Variants in ADGRV1 observed in about 807,000 individuals in gnomAD.
ADGRV1 encodes the protein adhesion G protein-coupled receptor V1.
In ADGRV1, 359 loss-of-function variants were observed where a neutral mutation model predicts 596.2. The ratio of observed to expected loss-of-function variants is 0.60; its 90% CI spans 0.55 to 0.66. The LOEUF is 0.66. Ranked by LOEUF, ADGRV1 falls within the 30% of genes least tolerant of loss-of-function variation. The pLI is 0.00. For synonymous variants in ADGRV1, 2,681 were observed against 2,679.2 expected, an observed-to-expected ratio of 1.00 and a Z score of -0.02; for missense variants, 7,274 against 7,575.6, an observed-to-expected ratio of 0.96 and a Z score of 1.48.
intron 1 of ADGRV1, among the ~76,000 whole-genome samples, chr5:90,581,038 T>A (rs1427747779): frequency 6.6e-6 from 1 of 152,252 alleles, no homozygotes; most frequent in East Asian, 1.9e-4. Flanking sequence ...TTCCCCTTGA[T>A]CGAATTGGCT....
chr5:90,708,942 T>A, intron 39 of ADGRV1, 33 bp downstream of exon 39: 1 of 1,401,514 alleles, frequency 7.1e-7, no homozygotes, highest in Non-Finnish European at 1.0e-6. Flanking sequence ...TTCTTTTTGC[T>A]CACTTCAAAT....
intron 59 of ADGRV1, among the ~76,000 whole-genome samples, chr5:90,768,451 G>A (rs985698446): frequency 1.3e-5 from 2 of 152,142 alleles, no homozygotes; most frequent in African/African-American, 2.4e-5. Flanking sequence ...GGTGGAAATC[G>A]TTCTCATAGC....
intron 9 of ADGRV1, among the ~76,000 whole-genome samples, chr5:90,631,899 A>G (rs765257129): frequency 6.6e-6 from 1 of 152,212 alleles, no homozygotes; most frequent in Non-Finnish European, 1.5e-5. Context: ...ATACAAAAAC[A>G]TGACATAATT....
intron 4 of ADGRV1, among the ~76,000 whole-genome samples, 163 bp downstream of exon 4, chr5:90,619,344 G>T (rs907293345): frequency 2.6e-4 from 40 of 152,062 alleles, no homozygotes; most frequent in African/African-American, 9.7e-4. Flanking sequence ...CCATTCATTT[G>T]TTCTACCTAA....
At chr5:90,960,684 C>A (rs1266698546) in intron 83 of ADGRV1, among the ~76,000 whole-genome samples, 1 of 151,162 alleles carries the variant, frequency 6.6e-6, no homozygotes, top group Non-Finnish European at 1.5e-5. Flanking sequence ...GGTAGAATTT[C>A]CAGTTATTCA....
chr5:91,152,656 G>C (rs1299024406), intron 88 of ADGRV1, among the ~76,000 whole-genome samples: 2 of 151,968 alleles, frequency 1.3e-5, no homozygotes, highest in African/African-American at 4.8e-5. Context: ...ATTTTGTTTT[G>C]TTTTGTTTTT....
chr5:90,739,671 G>A (rs1002983003), intron 50 of ADGRV1, among the ~76,000 whole-genome samples: 3 of 152,206 alleles, frequency 2.0e-5, no homozygotes, highest in African/African-American at 7.2e-5. Context: ...GATCAGTGTT[G>A]TAGATTGTCT....
At chr5:90,790,714 C>A (rs987394242) in intron 69 of ADGRV1, among the ~76,000 whole-genome samples, 159 bp from the exon 70 acceptor site, 6 of 151,996 alleles carry the variant, frequency 3.9e-5, no homozygotes, top group African/African-American at 1.4e-4. Flanking sequence ...AGTCAATATA[C>A]CTTCCAAGCT....
intron 75 of ADGRV1, chr5:90,822,264 C>T (rs1163411831): frequency 6.5e-6 from 1 of 153,928 alleles, no homozygotes; most frequent in Admixed American, 6.5e-5. Flanking sequence ...ATGCCTCGCC[C>T]TGGTTCGGCT....
intron 85 of ADGRV1, among the ~76,000 whole-genome samples, chr5:91,067,382 A>T (rs1258556582): frequency 1.3e-5 from 2 of 152,064 alleles, no homozygotes; most frequent in Admixed American, 1.3e-4. Flanking sequence ...ACCTCAGGTG[A>T]TCTGCCCACC....
chr5:91,089,884 G>A (rs1368939825), intron 86 of ADGRV1, among the ~76,000 whole-genome samples: 1 of 152,164 alleles, frequency 6.6e-6, no homozygotes, highest in Non-Finnish European at 1.5e-5. Context: ...AAGTGTGTTG[G>A]AAAATTGCTG....
At chr5:90,559,732 CT>C (rs1290957142) in intron 1 of ADGRV1, among the ~76,000 whole-genome samples, 1 of 152,100 alleles carries the variant, frequency 6.6e-6, no homozygotes. Context: ...TGCATAATTA[CT>C]GAGAATTAGG....
At chr5:91,014,136 C>CCACACACACACACACACACACACACACA (rs70973720) in intron 85 of ADGRV1, among the ~76,000 whole-genome samples, 11 of 35,696 alleles carry the variant, frequency 3.1e-4, no homozygotes, top group Admixed American at 1.8e-3. Flanking sequence ...TTCACAATTG[C>CCACACACACACACACACACACACACACA]CACACACACA....
chr5:90,788,376 A>T, intron 68 of ADGRV1, 66 bp downstream of exon 68: 1 of 1,404,448 alleles, frequency 7.1e-7, no homozygotes, highest in Non-Finnish European at 9.7e-7. Flanking sequence ...ATACATTTAC[A>T]TTTGTTGAAA....
intron 83 of ADGRV1, chr5:90,929,714 C>G (rs1378052754): frequency 6.6e-6 from 1 of 152,160 alleles, no homozygotes; most frequent in Non-Finnish European, 1.5e-5. Context: ...GTTTTCAGTG[C>G]TATTCTTTTT....
intron 87 of ADGRV1, among the ~76,000 whole-genome samples, chr5:91,113,717 G>A (rs1467661668): frequency 2.0e-5 from 3 of 152,058 alleles, no homozygotes; most frequent in Non-Finnish European, 2.9e-5. Flanking sequence ...TCAGGAACTC[G>A]AGACCAACCT....
Position 90,831,494 on chromosome 5 carries a change from AT to A in ADGRV1, c.16611+2309del, listed in dbSNP as rs543496184. The stretch of plus-strand genomic sequence containing the variant: ...TGAGATATTTTGATACAGGCATACA[AT>A]GCATAATAATCACATCAGGATAAAT... On this transcript the variant is annotated intron_variant, in intron 77 of 89. Coordinates refer to ENST00000405460, the MANE Select transcript of ADGRV1 (RefSeq NM_032119.4). Among the ~76,000 whole-genome samples, 7 of 152,248 alleles carry A rather than the reference AT, an allele frequency of 4.6e-5. No individual in the cohort carries two copies. In the South Asian group the frequency reaches 1.4e-3, roughly 32 times the overall value.
chr5:91,149,675 A>C (rs1795854127), intron 87 of ADGRV1, among the ~76,000 whole-genome samples: 1 of 152,014 alleles, frequency 6.6e-6, no homozygotes, highest in South Asian at 2.1e-4. Flanking sequence ...TCTACTAAAA[A>C]TATAAAAATT....
At chr5:91,158,502 T>A (rs185165868) in intron 89 of ADGRV1, among the ~76,000 whole-genome samples, 164 of 152,276 alleles carry the variant, frequency 1.1e-3, no homozygotes, top group African/African-American at 3.2e-3. Flanking sequence ...AATTTGAAAA[T>A]CCTTCTCAAA....
Sources: gnomAD v4.1 joint callset for allele counts (sites outside exome capture counted in the v4.1 genomes callset) on GRCh38, gnomAD v4.1.1 for gene constraint, MANE v1.5 for transcripts, NCBI Gene and HGNC (gene_info 2026-07-23, HGNC 2026-07-21) for gene names.